FRMPD4: variants seen among roughly 807,000 people sequenced by gnomAD.
FRMPD4 encodes FERM and PDZ domain containing 4, also known as FERM and PDZ domain-containing protein 4.
In FRMPD4, 22 loss-of-function variants were observed where a neutral mutation model predicts 94.1. The ratio of observed to expected loss-of-function variants is 0.23; its 90% CI spans 0.17 to 0.33. The LOEUF (loss-of-function observed/expected upper bound fraction) is 0.33, where lower values mean the gene tolerates loss of function less well. Ranked by LOEUF, FRMPD4 falls within the 10% of genes least tolerant of loss-of-function variation. The probability of loss-of-function intolerance (pLI) is 1.00; values close to 1 mark genes in which losing one functional copy is unlikely to be tolerated. For missense variants in FRMPD4, 1,111 were observed against 1,339.9 expected (o/e 0.83, Z 2.67); for synonymous variants, 631 against 548.6 (o/e 1.15, Z -2.10).
At chrX:11,894,643 TA>T (rs1429550283) in intron 3 of FRMPD4, among the ~76,000 whole-genome samples, 2 of 111,564 alleles carry the variant, frequency 1.8e-5, no homozygotes, top group Middle Eastern at 4.2e-3. Flanking sequence ...TTCCAATGCA[TA>T]AAAAAAATTC....
chrX:11,909,059 C>G, intron 3 of FRMPD4, among the ~76,000 whole-genome samples: 1 of 111,590 alleles, frequency 9.0e-6, no homozygotes, highest in East Asian at 2.8e-4. Context: ...CAAGGTAGTG[C>G]TAGCCTCATA....
chrX:12,210,604 G>A (rs771535408), intron 1 of FRMPD4, among the ~76,000 whole-genome samples: 39 of 111,252 alleles, frequency 3.5e-4, no homozygotes, highest in Admixed American at 1.2e-3. Context: ...CACAAAGGGG[G>A]AGTAGCTTCT....
At chrX:12,531,384 C>A (rs1007936232) in intron 2 of FRMPD4, among the ~76,000 whole-genome samples, 1 of 111,808 alleles carries the variant, frequency 8.9e-6, no homozygotes, top group Non-Finnish European at 1.9e-5. Flanking sequence ...CTCACACTAA[C>A]CTTACCTTTA....
At chrX:12,116,454 C>T (rs758652685) in intron 3 of FRMPD4, among the ~76,000 whole-genome samples, 15 of 112,174 alleles carry the variant, frequency 1.3e-4, no homozygotes, top group African/African-American at 4.5e-4. Context: ...AGTGTGTGGC[C>T]GAGACCACAT....
intron 1 of FRMPD4, among the ~76,000 whole-genome samples, chrX:12,285,187 T>C (rs1041588063): frequency 7.1e-5 from 8 of 111,975 alleles, no homozygotes; most frequent in Non-Finnish European, 1.3e-4. Flanking sequence ...CCTTCCTAGG[T>C]GATGGAGACC....
At chrX:12,289,659 T>C (rs1481570931) in intron 1 of FRMPD4, among the ~76,000 whole-genome samples, 2 of 111,234 alleles carry the variant, frequency 1.8e-5, no homozygotes, top group Admixed American at 1.9e-4. Context: ...AGATGAGGAA[T>C]TGAAGAGGTA....
intron 1 of FRMPD4, among the ~76,000 whole-genome samples, chrX:12,407,671 G>A (rs1353362521): frequency 1.8e-5 from 2 of 112,239 alleles, no homozygotes; most frequent in Non-Finnish European, 3.8e-5. Context: ...GACTTTTTCT[G>A]TAAAGGGCCA....
Position 12,128,843 on chromosome X carries a change from C to T in FRMPD4, c.95+250825C>T, listed in dbSNP as rs762803901. On this transcript the variant is annotated intron_variant, in intron 3 of 18. Transcript: ENST00000640291. ...CATCTCTTTCAATGTCAAAGTTCCACAGATCTCTAGGACAGGGGCAAAATG... is the reference window on the plus strand; with the variant it reads ...CATCTCTTTCAATGTCAAAGTTCCATAGATCTCTAGGACAGGGGCAAAATG... Among the ~76,000 whole-genome samples, 7 of 112,143 alleles carry T rather than the reference C, an allele frequency of 6.2e-5. No individual in the cohort carries two copies. The East Asian group carries it at 2.0e-3, about 31-fold the overall frequency.
chrX:11,922,714 G>T (rs2054064953), intron 3 of FRMPD4, among the ~76,000 whole-genome samples: 1 of 112,805 alleles, frequency 8.9e-6, no homozygotes, highest in South Asian at 3.6e-4. Flanking sequence ...TTAGAGAAGT[G>T]GTGGGACAGC....
At chrX:11,987,098 T>TAAA (rs35377550) in intron 3 of FRMPD4, among the ~76,000 whole-genome samples, 477 of 21,711 alleles carry the variant, frequency 0.022, 13 homozygotes, top group Non-Finnish European at 0.024. Context: ...AAAGACACAT[T>TAAA]AAAAAAAAAA....
chrX:11,978,095 G>A (rs984570522), intron 3 of FRMPD4, among the ~76,000 whole-genome samples: 1 of 108,789 alleles, frequency 9.2e-6, no homozygotes, highest in African/African-American at 3.4e-5. Flanking sequence ...GGCCGAGGTG[G>A]GCGGATTACG....
At chrX:11,967,760 T>G (rs868220584) in intron 3 of FRMPD4, among the ~76,000 whole-genome samples, 16 of 98,338 alleles carry the variant, frequency 1.6e-4, no homozygotes, top group African/African-American at 4.5e-4. Flanking sequence ...GTGTGTGTTT[T>G]TTTTTTTTTT....
chrX:12,388,610 T>TAA (rs59101475), intron 1 of FRMPD4, among the ~76,000 whole-genome samples: 1 of 94,632 alleles, frequency 1.1e-5, no homozygotes, highest in Admixed American at 1.2e-4. Flanking sequence ...CTCAAAAAAT[T>TAA]AAAAAAAAAA....
At chrX:12,689,462 G>C (rs1356626482) in intron 7 of FRMPD4, among the ~76,000 whole-genome samples, 1 of 112,254 alleles carries the variant, frequency 8.9e-6, no homozygotes, top group African/African-American at 3.2e-5. Flanking sequence ...ATTATCCCCA[G>C]TTTACACACA....
chrX:12,696,550 C>A, intron 9 of FRMPD4, among the ~76,000 whole-genome samples: 1 of 91,430 alleles, frequency 1.1e-5, no homozygotes. Context: ...CCTCCCCCTC[C>A]CCACTGCCAG....
intron 1 of FRMPD4, among the ~76,000 whole-genome samples, chrX:11,827,499 T>C (rs895979581): frequency 1.3e-4 from 14 of 111,494 alleles, no homozygotes; most frequent in African/African-American, 4.2e-4. Context: ...TTCCAGTGGT[T>C]GTTTTGCATA....
chrX:11,880,621 G>A lies in FRMPD4; in HGVS notation c.95+2603G>A, dbSNP rs142973001. Among the ~76,000 whole-genome samples the A allele has an allele frequency of 6.0e-3, 671 of 111,501 alleles. 5 individuals are homozygous for A. Among genetic ancestry groups the A allele is most frequent in the African/African-American group, 0.021 (651 of 30,714 alleles). ...AACACAAAGCTTAGTATAAAGTATA[G>A]TGAAAATTGAATTCACTTATTTTTA... On this transcript the variant is annotated intron_variant, in intron 3 of 18. Transcript: ENST00000640291.
chrX:12,277,563 G>T (rs2054460115), intron 1 of FRMPD4, among the ~76,000 whole-genome samples: 1 of 112,061 alleles, frequency 8.9e-6, no homozygotes, highest in Non-Finnish European at 1.9e-5. Flanking sequence ...CTGGTGATAA[G>T]ACTGTTACTT....
intron 1 of FRMPD4, among the ~76,000 whole-genome samples, chrX:12,220,395 T>C (rs1322900714): frequency 1.8e-5 from 2 of 111,593 alleles, no homozygotes; most frequent in African/African-American, 3.3e-5. Context: ...CTTAATGAAT[T>C]TTTACAACTG....
Sources: allele counts gnomAD v4.1 joint callset (sites outside exome capture counted in the v4.1 genomes callset), GRCh38; gene constraint gnomAD v4.1.1; transcripts MANE v1.5; gene names NCBI Gene and HGNC (gene_info 2026-07-23, HGNC 2026-07-21).